Variants in PDE1A observed in about 807,000 individuals in gnomAD.
PDE1A encodes the protein phosphodiesterase 1A.
PDE1A carries 35 observed loss-of-function variants against 61.7 expected under a neutral mutation model. That is an observed-to-expected ratio of 0.57 (90% CI 0.43 to 0.75). The LOEUF is 0.75. Ranked by LOEUF, PDE1A falls within the 30% of genes least tolerant of loss-of-function variation. The pLI is 0.00. For synonymous variants in PDE1A, 232 were observed against 213.2 expected (o/e 1.09, Z -0.77); for missense variants, 597 against 630.6 (o/e 0.95, Z 0.57).
At chr2:182,688,125 C>T in the PDE1A span, among the ~76,000 whole-genome samples, 1 of 152,180 alleles carries the variant, frequency 6.6e-6, no homozygotes, top group African/African-American at 2.4e-5. Flanking sequence ...TCCAGGAGAA[C>T]TTCCCCAACC....
chr2:182,481,153 C>G (rs1258546219), intron 2 of PDE1A, among the ~76,000 whole-genome samples: 1 of 151,732 alleles, frequency 6.6e-6, no homozygotes, highest in African/African-American at 2.4e-5. Context: ...CAAAAGCAAT[C>G]GAAAAGTTTT....
chr2:182,698,943 A>G, the PDE1A span, among the ~76,000 whole-genome samples: 1 of 152,056 alleles, frequency 6.6e-6, no homozygotes, highest in South Asian at 2.1e-4. Context: ...TGGCCCTGAG[A>G]CCTCTAGCTC....
chr2:182,306,218 T>C (rs1695574077), intron 1 of PDE1A, among the ~76,000 whole-genome samples: 1 of 152,238 alleles, frequency 6.6e-6, no homozygotes, highest in Admixed American at 6.5e-5. Flanking sequence ...ATTTTCTTCC[T>C]TTTTAAGACT....
chr2:182,591,801 CTT>C, the PDE1A span, among the ~76,000 whole-genome samples: 1 of 152,212 alleles, frequency 6.6e-6, no homozygotes, highest in Non-Finnish European at 1.5e-5. Context: ...AATTTAGTCT[CTT>C]TTTAAATTAA....
chr2:182,634,102 A>T, the PDE1A span, among the ~76,000 whole-genome samples: 1 of 152,044 alleles, frequency 6.6e-6, no homozygotes, highest in African/African-American at 2.4e-5. Flanking sequence ...AAAACAAGAA[A>T]AAAAAAAAGA....
chr2:182,626,826 CAT>C, the PDE1A span, among the ~76,000 whole-genome samples: 32 of 10,954 alleles, frequency 2.9e-3, no homozygotes, highest in East Asian at 0.01. Context: ...TATATATATA[CAT>C]ATATATATAC....
the PDE1A span, among the ~76,000 whole-genome samples, chr2:182,654,347 T>C: frequency 1.3e-5 from 2 of 152,168 alleles, no homozygotes; most frequent in African/African-American, 4.8e-5. Flanking sequence ...CAACCCTGCA[T>C]TCTTTAAGTC....
intron 8 of PDE1A, among the ~76,000 whole-genome samples, chr2:182,202,411 A>T (rs1405079061): frequency 4.6e-5 from 7 of 152,220 alleles, no homozygotes; most frequent in Non-Finnish European, 1.0e-4. Flanking sequence ...ATGTCTTCAT[A>T]TAATACCGAT....
intron 2 of PDE1A, among the ~76,000 whole-genome samples, chr2:182,500,005 A>G (rs1688994055): frequency 6.6e-6 from 1 of 152,212 alleles, no homozygotes; most frequent in Admixed American, 6.5e-5. Context: ...ATACCAATTA[A>G]AAACAACAAA....
the PDE1A span, among the ~76,000 whole-genome samples, chr2:182,657,600 G>A: frequency 6.6e-6 from 1 of 152,040 alleles, no homozygotes; most frequent in Non-Finnish European, 1.5e-5. Context: ...TAGAGCTTCT[G>A]TGACATCAGA....
the PDE1A span, among the ~76,000 whole-genome samples, chr2:182,628,833 A>G: frequency 7.7e-4 from 117 of 152,284 alleles, no homozygotes; most frequent in African/African-American, 2.7e-3. Context: ...CCAGTGATCC[A>G]TGTTCTCGTA....
Position 182,283,568 on chromosome 2 carries a change from T to TA in PDE1A, c.54-19155dup, listed in dbSNP as rs1258208891. Among the ~76,000 whole-genome samples, 11 of 152,012 alleles carry TA rather than the reference T, an allele frequency of 7.2e-5. No homozygotes were observed. The East Asian group carries it at 1.2e-3, about 16-fold the overall frequency. ...TTTATGAAACTGTTATGAGTTTTTTTAAAAAAAATCTTTTCAACTTTTAGC... is the reference window on the plus strand; with the variant it reads ...TTTATGAAACTGTTATGAGTTTTTTTAAAAAAAAATCTTTTCAACTTTTAGC... On this transcript the variant is annotated intron_variant, in intron 1 of 13. Transcript: ENST00000351439.
chr2:182,167,488 C>T (rs911157363), downstream of PDE1A, among the ~76,000 whole-genome samples: 1 of 152,104 alleles, frequency 6.6e-6, no homozygotes, highest in Non-Finnish European at 1.5e-5. Context: ...TATGTTTACC[C>T]ATTAGGCATG....
At chr2:182,281,494 G>T (rs1237940372) in intron 1 of PDE1A, among the ~76,000 whole-genome samples, 1 of 151,778 alleles carries the variant, frequency 6.6e-6, no homozygotes, top group African/African-American at 2.4e-5. Flanking sequence ...ACCTAGACCA[G>T]AAAACTCAAT....
intron 6 of PDE1A, among the ~76,000 whole-genome samples, chr2:182,225,405 A>C (rs1468187818): frequency 1.3e-5 from 2 of 151,946 alleles, no homozygotes; most frequent in Non-Finnish European, 2.9e-5. Flanking sequence ...CAATTGTTGA[A>C]TCTCATAGGT....
intron 3 of PDE1A, among the ~76,000 whole-genome samples, chr2:182,238,852 G>C (rs1290015708): frequency 5.9e-5 from 9 of 152,070 alleles, no homozygotes; most frequent in Admixed American, 5.9e-4. Flanking sequence ...CTCTTGAATG[G>C]AAATGGAAAA....
At chr2:182,350,993 T>C (rs914766417) in intron 1 of PDE1A, among the ~76,000 whole-genome samples, 22 of 152,252 alleles carry the variant, frequency 1.4e-4, no homozygotes, top group Admixed American at 1.4e-3. Context: ...TTATGAACTA[T>C]GATAAATGCA....
At chr2:182,692,526 G>C in the PDE1A span, among the ~76,000 whole-genome samples, 44 of 151,856 alleles carry the variant, frequency 2.9e-4, no homozygotes, top group African/African-American at 1.0e-3. Context: ...TTGTGGGGTG[G>C]GGGGAGTGGG....
intron 2 of PDE1A, among the ~76,000 whole-genome samples, chr2:182,450,555 A>AT (rs1396343682): frequency 2.4e-5 from 2 of 83,008 alleles, no homozygotes; most frequent in Admixed American, 1.2e-4. Flanking sequence ...AAATGTTTTC[A>AT]TAAAAAAAAA....
Sources: allele counts gnomAD v4.1 joint callset (sites outside exome capture counted in the v4.1 genomes callset), GRCh38; gene constraint gnomAD v4.1.1; transcripts MANE v1.5; gene names NCBI Gene and HGNC (gene_info 2026-07-23, HGNC 2026-07-21).